The following AFP variants were observed in gnomAD, a reference collection of about 807,000 sequenced individuals.
AFP encodes alpha fetoprotein, also known as alpha-fetoprotein.
Under a neutral mutation model 78.9 loss-of-function variants are expected in AFP, and 64 were observed. The observed-to-expected ratio is 0.81, with a 90% CI of 0.66 to 1.00. The LOEUF is 1.00. Among genes scored for constraint, AFP ranks in the 50% least tolerant of loss-of-function variants. AFP has a pLI of 0.00. For missense variants in AFP, 689 were observed against 703.8 expected (o/e 0.98, Z 0.24); for synonymous variants, 254 against 243.8 (o/e 1.04, Z -0.39).
intron 8 of AFP, among the ~76,000 whole-genome samples, chr4:73,448,378 T>G (rs901427017): frequency 2.0e-5 from 3 of 152,146 alleles, no homozygotes; most frequent in Non-Finnish European, 4.4e-5. Context: ...ACATTATACT[T>G]GATAATTTCC....
In AFP at chr4:73,447,600, C is replaced by T. The variant is rs975244919; in HGVS notation, c.982C>T (p.Pro328Ser). 2 of 1,612,168 alleles carry T rather than the reference C, an allele frequency of 1.2e-6. No individual in the cohort carries two copies. Among genetic ancestry groups the T allele is most frequent in the African/African-American group, 1.3e-5 (1 of 74,942 alleles). The change falls in exon 8 of 15, where the codon CCA becomes TCA. Residue 328 changes from proline (P) to serine (S), a missense_variant. Physicochemically the swap from Pro to Ser is moderately conservative, Grantham distance 74. Coordinates refer to ENST00000395792, the MANE Select transcript of AFP (RefSeq NM_001134.3). ...TGATGAAAAACCTGAAGGTCTATCTCCAAATCTAAACAGGTTTTTAGGAGA... is the reference window on the plus strand; with the variant it reads ...TGATGAAAAACCTGAAGGTCTATCTTCAAATCTAAACAGGTTTTTAGGAGA... Reference protein sequence around the residue: ...ENDEKPEGLSPNLNRFLGDRD... With the variant: ...ENDEKPEGLSSNLNRFLGDRD...
chr4:73,445,256 C>A, intron 7 of AFP, 134 bp downstream of exon 7: 1 of 1,083,074 alleles, frequency 9.2e-7, no homozygotes, highest in Non-Finnish European at 1.4e-6. Flanking sequence ...CTTAAATTTG[C>A]AGAATTCTCG....
At position 73,443,709 on chromosome 4, in the gene AFP, G is replaced by C. The variant is rs547345602; in HGVS notation, c.713+265G>C. ...TTTATGTTATTTACCTGTTCTTTAA[G>C]ACACTTAAGTTCTGGCCTGCCATCA... On this transcript the variant is annotated intron_variant, in intron 6 of 14. Transcript: ENST00000395792. 1.3e-3 allele frequency among the ~76,000 whole-genome samples: 195 copies of C among 152,208 alleles called. 4 individuals carry two copies. The South Asian group carries it at 0.032, about 25-fold the overall frequency.
At chr4:73,445,868 C>A (rs1275862543) in intron 7 of AFP, among the ~76,000 whole-genome samples, 1 of 151,938 alleles carries the variant, frequency 6.6e-6, no homozygotes, top group African/African-American at 2.4e-5. Context: ...TTTGGCTAAC[C>A]CTAGACTTCC....
intron 7 of AFP, 43 bp downstream of exon 7, chr4:73,445,165 T>C (rs1463064495): frequency 6.2e-7 from 1 of 1,609,274 alleles, no homozygotes; most frequent in East Asian, 2.2e-5. Context: ...TTCACTCCCT[T>C]TTCTTTCTTT....
Position 73,453,899 on chromosome 4 carries a change from T to A in AFP, c.1785+2T>A, listed in dbSNP as rs1003247842. 2 of 1,613,436 alleles carry A rather than the reference T, an allele frequency of 1.2e-6. No individual in the cohort carries two copies. The highest frequency in any genetic ancestry group is 2.7e-5 in the African/African-American group (2 of 74,902). On this transcript the variant is annotated splice_donor_variant, in intron 13 of 14. Coordinates refer to ENST00000395792, the MANE Select transcript of AFP (RefSeq NM_001134.3). LOFTEE classifies it high-confidence loss of function. The stretch of plus-strand genomic sequence containing the variant: ...CAGGAAGTCTGCTTTGCTGAAGAGG[T>A]ACATGCAGCTCATTTCATACTCAAA...
In AFP at chr4:73,445,054, G is replaced by A; in HGVS notation, c.775G>A (p.Val259Ile). Residue 259 changes from valine to isoleucine, a missense_variant, in exon 7 of 15, where the codon GTC (valine) becomes ATC (isoleucine). Val to Ile is a conservative substitution (Grantham distance 29). Coordinates refer to ENST00000395792, the MANE Select transcript of AFP (RefSeq NM_001134.3). ...KVNFTEIQKL[V>I]LDVAHVHEHC... ...TAATTTTACTGAAATCCAGAAACTA[G>A]TCCTGGATGTGGCCCATGTACATGA... 8 of 1,613,582 alleles carry A rather than the reference G, an allele frequency of 5.0e-6. No homozygotes were observed. Among genetic ancestry groups the A allele is most frequent in the Non-Finnish European group, 6.8e-6 (8 of 1,179,614 alleles).
intron 13 of AFP, 143 bp downstream of exon 13, chr4:73,454,040 T>C (rs1344987188): frequency 1.1e-6 from 1 of 920,514 alleles, no homozygotes; most frequent in African/African-American, 1.7e-5. Context: ...TGAGGGATTC[T>C]ATAAGATTTA....
At position 73,442,357 on chromosome 4, in the gene AFP, G is replaced by A. The variant is rs765976739; in HGVS notation, c.544G>A (p.Ala182Thr). Residue 182 changes from alanine (A) to threonine (T), a missense_variant, in exon 5 of 15, where the codon GCT becomes ACT. Physicochemically the swap from Ala to Thr is moderately conservative, Grantham distance 58. Coordinates refer to ENST00000395792, the MANE Select transcript of AFP (RefSeq NM_001134.3). ...FLYAPTILLW[A>T]ARYDKIIPSC... The stretch of plus-strand genomic sequence containing the variant: ...GTATGCACCTACAATTCTTCTTTGG[G>A]CTGCTCGCTATGACAAAATAATTCC... 6.2e-7 allele frequency: 1 copy of A among 1,613,994 alleles called. No homozygotes were observed. Among genetic ancestry groups the A allele is most frequent in the Non-Finnish European group, 8.5e-7 (1 of 1,179,926 alleles).
At chr4:73,455,462 G>A (rs531956356) in intron 14 of AFP, 169 bp from the exon 15 acceptor site, 1 of 655,314 alleles carries the variant, frequency 1.5e-6, no homozygotes, top group Non-Finnish European at 2.7e-6. Flanking sequence ...TGTTAAATTA[G>A]TGGCTCAACT....
chr4:73,437,442 T>C (rs146443645), intron 2 of AFP, among the ~76,000 whole-genome samples: 2,153 of 152,100 alleles, frequency 0.014, 34 homozygotes, highest in Non-Finnish European at 0.019. Context: ...TCAAACCAAA[T>C]CAGATTTTAG....
chr4:73,455,262 T>G lies in AFP; in HGVS notation c.1812T>G (p.Arg604=). 1.2e-6 allele frequency: 2 copies of G among 1,612,742 alleles called. No homozygotes were observed. Among genetic ancestry groups the G allele is most frequent in the Non-Finnish European group, 1.7e-6 (2 of 1,179,068 alleles). ...GACAAAAACTGATTTCAAAAACTCG[T>G]GCTGCTTTGGGAGTTTAAATTACTT... ...EEGQKLISKT[R]AALGV The change falls in exon 14 of 15, where the codon CGT becomes CGG. Residue 604 remains arginine (R), a synonymous_variant. Transcript: ENST00000395792.
chr4:73,450,815 A>G, intron 11 of AFP, 62 bp downstream of exon 11: 1 of 1,610,980 alleles, frequency 6.2e-7, no homozygotes, highest in Non-Finnish European at 8.5e-7. Context: ...AAATAGCCTC[A>G]TAATTCCCCT....
In AFP at chr4:73,453,873, A is replaced by G. The variant is rs879145718; in HGVS notation, c.1761A>G (p.Glu587=). The G allele has an allele frequency of 6.2e-7, 1 of 1,613,718 alleles. No individual in the cohort carries two copies. The highest frequency in any genetic ancestry group is 1.1e-5 in the South Asian group (1 of 91,088). Residue 587 remains glutamate (E), a synonymous_variant, in exon 13 of 15, where the codon GAA becomes GAG. Coordinates refer to ENST00000395792, the MANE Select transcript of AFP (RefSeq NM_001134.3). The part of the protein sequence containing the change: ...GLLEKCCQGQ[E]QEVCFAEEGQ... ...TGGAGAAATGCTGCCAAGGCCAGGA[A>G]CAGGAAGTCTGCTTTGCTGAAGAGG...
chr4:73,445,631 CA>C (rs1719798760), intron 7 of AFP, among the ~76,000 whole-genome samples: 1 of 152,168 alleles, frequency 6.6e-6, no homozygotes, highest in Admixed American at 6.5e-5. Context: ...ATCTCCATAG[CA>C]CAATGCCTGG....
At position 73,453,800 on chromosome 4, in the gene AFP, T is replaced by C. The variant is rs779868219; in HGVS notation, c.1688T>C (p.Ile563Thr). 2 of 1,613,772 alleles carry C rather than the reference T, an allele frequency of 1.2e-6. No individual in the cohort carries two copies. The highest frequency in any genetic ancestry group is 3.3e-5 in the Admixed American group (2 of 60,000). Residue 563 changes from isoleucine to threonine, a missense_variant, in exon 13 of 15, where the codon ATA becomes ACA. Transcript: ENST00000395792. ...AACCTTGTGAAGCAAAAGCCACAAA[T>C]AACAGAGGAACAACTTGAGGCTGTC... ...LINLVKQKPQ[I>T]TEEQLEAVIA...
chr4:73,449,716 C>G (rs998001483), intron 9 of AFP, among the ~76,000 whole-genome samples: 3 of 152,134 alleles, frequency 2.0e-5, no homozygotes, highest in Non-Finnish European at 2.9e-5. Context: ...ACCAAAAGTC[C>G]TTTGATCCAC....
intron 11 of AFP, among the ~76,000 whole-genome samples, chr4:73,451,261 A>G (rs941976256): frequency 2.0e-5 from 3 of 152,292 alleles, no homozygotes; most frequent in Non-Finnish European, 4.4e-5. Flanking sequence ...ACAGCACAGG[A>G]TAAGTATTAT....
chr4:73,443,473 G>T, intron 6 of AFP, 29 bp downstream of exon 6: 1 of 1,536,990 alleles, frequency 6.5e-7, no homozygotes, highest in South Asian at 1.1e-5. Flanking sequence ...TAGGGAAGAG[G>T]GTGAGAGCTA....
Sources: allele counts gnomAD v4.1 joint callset (sites outside exome capture counted in the v4.1 genomes callset), GRCh38; gene constraint gnomAD v4.1.1; transcripts MANE v1.5; gene names NCBI Gene and HGNC (gene_info 2026-07-23, HGNC 2026-07-21).